PTPN21: variants seen among roughly 807,000 people sequenced by gnomAD.
PTPN21 encodes the protein protein tyrosine phosphatase non-receptor type 21.
Under a neutral mutation model 131.8 loss-of-function variants are expected in PTPN21, and 77 were observed. That is an observed-to-expected ratio of 0.58 (90% CI 0.49 to 0.71). The LOEUF is 0.71. PTPN21 is among the 30% of genes least tolerant of loss of function. The pLI, the probability that PTPN21 is intolerant of heterozygous loss-of-function variation, is 0.00. For synonymous variants in PTPN21, 715 were observed against 621.3 expected (o/e 1.15, Z -2.24); for missense variants, 1,552 against 1,527.1 (o/e 1.02, Z -0.27).
chr14:88,474,306 G>A (rs2077518403), intron 13 of PTPN21, among the ~76,000 whole-genome samples: 1 of 151,672 alleles, frequency 6.6e-6, no homozygotes, highest in Admixed American at 6.6e-5. Flanking sequence ...AATCCCACCT[G>A]AACCTCCCGA....
chr14:88,485,578 C>T (rs923398534), intron 11 of PTPN21, among the ~76,000 whole-genome samples: 2 of 151,538 alleles, frequency 1.3e-5, no homozygotes, highest in African/African-American at 4.8e-5. Context: ...TAAGGTCAGA[C>T]CTAATATTCA....
chr14:88,498,879 G>GA (rs2077965211), intron 8 of PTPN21, among the ~76,000 whole-genome samples: 1 of 148,572 alleles, frequency 6.7e-6, no homozygotes, highest in Non-Finnish European at 1.5e-5. Context: ...AATTATGGAA[G>GA]AAAAAATTTT....
chr14:88,494,267 C>T (rs2077869381), intron 10 of PTPN21, among the ~76,000 whole-genome samples: 1 of 152,070 alleles, frequency 6.6e-6, no homozygotes, highest in Non-Finnish European at 1.5e-5. Flanking sequence ...ACATCTGCAG[C>T]CTAGCCAGGA....
chr14:88,530,382 C>A (rs117770243), intron 2 of PTPN21, among the ~76,000 whole-genome samples: 5,895 of 151,996 alleles, frequency 0.039, 148 homozygotes, highest in South Asian at 0.099. Flanking sequence ...GGAAAAAAAA[C>A]CAAATTATTC....
At position 88,518,275 on chromosome 14, in the gene PTPN21, C is replaced by T. The variant is rs1019743924; in HGVS notation, c.181-1014G>A. ...AAAAAAATATATATATATATATATA[C>T]ACACACACATACGCACACACACACA... On this transcript the variant is annotated intron_variant, in intron 2 of 18. Transcript: ENST00000556564. Among the ~76,000 whole-genome samples the T allele has an allele frequency of 5.9e-4, 32 of 53,812 alleles. No homozygotes were observed. The East Asian group carries it at 6.8e-3, about 11-fold the overall frequency. The allele number at this position is 53,812 out of a possible 152,430, so 35.3% of individuals were successfully genotyped here.
At chr14:88,501,472 A>C in intron 6 of PTPN21, 104 bp from the exon 7 acceptor site, 6 of 992,162 alleles carry the variant, frequency 6.0e-6, no homozygotes. Flanking sequence ...AGACATTATA[A>C]ACATTTCACG....
At position 88,550,225 on chromosome 14, in the gene PTPN21, T is replaced by C. The variant is rs1163537037; in HGVS notation, c.180+13A>G. On this transcript the variant is annotated intron_variant, in intron 2 of 18. Coordinates refer to ENST00000556564, the MANE Select transcript of PTPN21 (RefSeq NM_007039.4). ...CACCCGCGCCTGGCCTGCAGTGTCTTTAGGTGGCTTACCTCCCGCAGCTCC... is the reference window on the plus strand; with the variant it reads ...CACCCGCGCCTGGCCTGCAGTGTCTCTAGGTGGCTTACCTCCCGCAGCTCC... 5.6e-6 allele frequency: 9 copies of C among 1,611,218 alleles called. No homozygotes were observed. Among genetic ancestry groups the C allele is most frequent in the Non-Finnish European group, 7.6e-6 (9 of 1,178,932 alleles).
rs369658520 is a variant in PTPN21, at chr14:88,506,616, TC to T, written c.449-1246del. Among the ~76,000 whole-genome samples, 176 of 152,188 alleles carry T rather than the reference TC, an allele frequency of 1.2e-3. 4 individuals carry two copies. Among genetic ancestry groups the T allele is most frequent in the African/African-American group, 4.0e-3 (166 of 41,536 alleles). The stretch of plus-strand genomic sequence containing the variant: ...ATGATTGATGTTATTACTGCATAAT[TC>T]AGGACAACCATTTAAGAAACCAAAC... On this transcript the variant is annotated intron_variant, in intron 4 of 18. Transcript: ENST00000556564.
intron 2 of PTPN21, among the ~76,000 whole-genome samples, chr14:88,521,542 A>G (rs2078392673): frequency 6.7e-6 from 1 of 148,740 alleles, no homozygotes; most frequent in African/African-American, 2.5e-5. Flanking sequence ...AGCTAGGATT[A>G]CAGGCACCCG....
chr14:88,489,040 C>G (rs775372916), intron 10 of PTPN21, among the ~76,000 whole-genome samples: 3 of 151,980 alleles, frequency 2.0e-5, no homozygotes, highest in Non-Finnish European at 4.4e-5. Context: ...GTAGTAGAAC[C>G]GGCATTTGAA....
chr14:88,485,478 T>A (rs2077718375), intron 11 of PTPN21, among the ~76,000 whole-genome samples: 1 of 152,064 alleles, frequency 6.6e-6, no homozygotes, highest in Admixed American at 6.6e-5. Flanking sequence ...AGCTTATAGG[T>A]ATTATAGTCA....
At chr14:88,523,563 A>G (rs1323738619) in intron 2 of PTPN21, among the ~76,000 whole-genome samples, 4 of 152,298 alleles carry the variant, frequency 2.6e-5, no homozygotes, top group Non-Finnish European at 4.4e-5. Context: ...CATGTTCACC[A>G]CTGCCATTTG....
chr14:88,528,576 G>A (rs557563491), intron 2 of PTPN21, among the ~76,000 whole-genome samples: 1 of 152,316 alleles, frequency 6.6e-6, no homozygotes, highest in South Asian at 2.1e-4. Context: ...GTTGTGGGAG[G>A]GACCTGGTGG....
At position 88,466,822 on chromosome 14, in the gene PTPN21, CA is replaced by C. The variant is rs1315393856; in HGVS notation, c.*1314del. 6.6e-6 allele frequency: 1 copy of C among 152,188 alleles called. No individual in the cohort carries two copies. The highest frequency in any genetic ancestry group is 2.4e-5 in the African/African-American group (1 of 41,440). The allele number at this position is 152,188 out of a possible 1,614,324, so 9.4% of individuals were successfully genotyped here. A position where few individuals can be genotyped will look rare whatever the true frequency, so the allele number is the denominator to read the frequency against. ...CTTGAATACCACAGCAATCTCTGTG[CA>C]CAAATTTGGACTGTACTTTTTGGGA... On this transcript the variant is annotated 3_prime_UTR_variant, in exon 19 of 19. Transcript: ENST00000556564.
intron 2 of PTPN21, among the ~76,000 whole-genome samples, chr14:88,541,832 T>C (rs2078710576): frequency 6.6e-6 from 1 of 152,218 alleles, no homozygotes; most frequent in African/African-American, 2.4e-5. Flanking sequence ...TATTCCATCC[T>C]TCCAGCATCT....
chr14:88,547,276 A>T (rs1262820957), intron 2 of PTPN21, among the ~76,000 whole-genome samples: 1 of 143,910 alleles, frequency 6.9e-6, no homozygotes, highest in African/African-American at 2.6e-5. Context: ...AGAAAATTAC[A>T]GGAAGAAGAA....
In PTPN21 at chr14:88,518,386, GTATATATATATA is replaced by G. The variant is rs71126987; in HGVS notation, c.181-1137_181-1126del. ...CACGTGTGTGTGTATGTGTGTGTGT[GTATATATATATA>G]TATATATATATATATATTTTTTTTT... On this transcript the variant is annotated intron_variant, in intron 2 of 18. Transcript: ENST00000556564. Among the ~76,000 whole-genome samples, 52 of 9,704 alleles carry G rather than the reference GTATATATATATA, an allele frequency of 5.4e-3. 5 individuals are homozygous for G. The highest frequency in any genetic ancestry group is 0.012 in the Admixed American group (3 of 258). 6.4% of individuals were successfully genotyped at this position (9,704 alleles called of 152,430 possible).
Position 88,492,027 on chromosome 14 carries a change from CA to C in PTPN21, c.932+4385del, listed in dbSNP as rs11384622. Among the ~76,000 whole-genome samples the C allele has an allele frequency of 5.7e-3, 808 of 141,060 alleles. 9 individuals are homozygous for C. The highest frequency in any genetic ancestry group is 0.019 in the African/African-American group (741 of 39,002). The allele number at this position is 141,060 out of a possible 152,430, so 92.5% of individuals were successfully genotyped here. A position where few individuals can be genotyped will look rare whatever the true frequency, so the allele number is the denominator to read the frequency against. On this transcript the variant is annotated intron_variant, in intron 10 of 18. Transcript: ENST00000556564. ...TTACTTATTACAAGTTGTTAATTTG[CA>C]AAAAAAAAAACACAAAACAAAACAA...
Position 88,479,885 on chromosome 14 carries a change from A to G in PTPN21, c.1546T>C (p.Tyr516His), listed in dbSNP as rs1479996154. Residue 516 changes from tyrosine to histidine, a missense_variant, in exon 13 of 19, where the codon TAC (tyrosine) becomes CAC (histidine). Physicochemically the swap from Tyr to His is moderately conservative, Grantham distance 83. This residue lies in a region of PTPN21 where 1,016 missense variants were observed against 883.5 expected (regional missense o/e 1.15). Coordinates refer to ENST00000556564, the MANE Select transcript of PTPN21 (RefSeq NM_007039.4). Reference sequence around the variant, plus strand: ...TAGGGAGACGGGCTGTGGAAGCTGTAGCTCAGGCTGAACGGGCAGTGTGCG... The same window carrying G: ...TAGGGAGACGGGCTGTGGAAGCTGTGGCTCAGGCTGAACGGGCAGTGTGCG... ...AAAHCPFSLS[Y>H]SFHSPSPYPY... 6.3e-7 allele frequency: 1 copy of G among 1,588,290 alleles called. No homozygotes were observed.
Sources: allele counts gnomAD v4.1 joint callset (sites outside exome capture counted in the v4.1 genomes callset), GRCh38; gene constraint gnomAD v4.1.1; regional missense constraint gnomAD v4.1.1; transcripts MANE v1.5; gene names NCBI Gene and HGNC (gene_info 2026-07-23, HGNC 2026-07-21).